DUSP16: variants seen among roughly 807,000 people sequenced by gnomAD.
DUSP16 encodes dual specificity phosphatase 16, also known as dual specificity protein phosphatase 16.
In DUSP16, 21 loss-of-function variants were observed where a neutral mutation model predicts 58.3. The observed-to-expected ratio is 0.36, with a 90% CI of 0.26 to 0.52. The LOEUF (loss-of-function observed/expected upper bound fraction) is 0.52. Ranked by LOEUF, DUSP16 falls within the 20% of genes least tolerant of loss-of-function variation. The pLI, the probability that DUSP16 is intolerant of heterozygous loss-of-function variation, is 0.94. For missense variants in DUSP16, 726 were observed against 819.0 expected, an observed-to-expected ratio of 0.89 and a Z score of 1.39; for synonymous variants, 320 against 323.8, an observed-to-expected ratio of 0.99 and a Z score of 0.12.
chr12:12,543,369 G>C (rs1482475997), intron 1 of DUSP16, among the ~76,000 whole-genome samples: 5 of 152,092 alleles, frequency 3.3e-5, no homozygotes, highest in Admixed American at 6.5e-5. Flanking sequence ...TATGAAGAGA[G>C]AGCAAGTAAT....
chr12:12,493,566 G>C (rs535236314), intron 4 of DUSP16, among the ~76,000 whole-genome samples: 62 of 152,210 alleles, frequency 4.1e-4, no homozygotes, highest in African/African-American at 1.4e-3. Context: ...CAGAAATCTT[G>C]TATTGTCTGG....
rs539182716 is a variant in DUSP16, at chr12:12,503,286, C to T, written c.368-2604G>A. ...TGTCGCCCAGGCTAGAGTGCAGTGGCGCGATCTTGGCTCACTGCAACCTCC... is the reference window on the plus strand; with the variant it reads ...TGTCGCCCAGGCTAGAGTGCAGTGGTGCGATCTTGGCTCACTGCAACCTCC... On this transcript the variant is annotated intron_variant, in intron 3 of 6. Coordinates refer to ENST00000298573, the MANE Select transcript of DUSP16 (RefSeq NM_030640.3). Among the ~76,000 whole-genome samples the T allele has an allele frequency of 5.0e-5, 7 of 139,966 alleles. No homozygotes were observed. The East Asian group carries it at 1.3e-3, about 26-fold the overall frequency. 91.8% of individuals were successfully genotyped at this position (139,966 alleles called of 152,430 possible). A position where few individuals can be genotyped will look rare whatever the true frequency, so the allele number is the denominator to read the frequency against.
At chr12:12,501,044 A>G (rs971936200) in intron 3 of DUSP16, among the ~76,000 whole-genome samples, 8 of 152,340 alleles carry the variant, frequency 5.3e-5, no homozygotes, top group African/African-American at 1.9e-4. Flanking sequence ...CAAGCCAATA[A>G]TTCACAGAAG....
intron 5 of DUSP16, among the ~76,000 whole-genome samples, chr12:12,483,068 C>T (rs528086195): frequency 6.6e-6 from 1 of 152,108 alleles, no homozygotes; most frequent in African/African-American, 2.4e-5. Flanking sequence ...GAATAAAGAA[C>T]GAGAAGGCAA....
chr12:12,496,110 C>T (rs1943824206), intron 4 of DUSP16, among the ~76,000 whole-genome samples: 1 of 152,194 alleles, frequency 6.6e-6, no homozygotes, highest in Non-Finnish European at 1.5e-5. Context: ...AACCATCATG[C>T]CGTGCTGCTT....
chr12:12,502,172 G>A (rs1477421276), intron 3 of DUSP16, among the ~76,000 whole-genome samples: 1 of 152,100 alleles, frequency 6.6e-6, no homozygotes, highest in African/African-American at 2.4e-5. Flanking sequence ...ATATGCCCTT[G>A]AAAACTGCTA....
intron 3 of DUSP16, among the ~76,000 whole-genome samples, chr12:12,514,251 A>G (rs1057292342): frequency 6.6e-6 from 1 of 152,196 alleles, no homozygotes; most frequent in Non-Finnish European, 1.5e-5. Flanking sequence ...AACACAGGCT[A>G]CAGCTTTGAC....
chr12:12,509,428 C>A lies in DUSP16; in HGVS notation c.368-8746G>T, dbSNP rs567754161. On this transcript the variant is annotated intron_variant, in intron 3 of 6. Coordinates refer to ENST00000298573, the MANE Select transcript of DUSP16 (RefSeq NM_030640.3). ...AACCCTCTGAACACCTACACATACTCACCACTAAGACAAAAGTTTCATGAT... is the reference window on the plus strand; with the variant it reads ...AACCCTCTGAACACCTACACATACTAACCACTAAGACAAAAGTTTCATGAT... 6.6e-5 allele frequency among the ~76,000 whole-genome samples: 10 copies of A among 152,136 alleles called. No individual in the cohort carries two copies. The South Asian group carries it at 2.1e-3, about 32-fold the overall frequency.
intron 2 of DUSP16, 67 bp from the exon 3 acceptor site, chr12:12,520,067 A>G: frequency 6.4e-7 from 1 of 1,550,552 alleles, no homozygotes; most frequent in Non-Finnish European, 8.9e-7. Context: ...ACTGCTTAAG[A>G]TCTCACATTT....
Position 12,477,747 on chromosome 12 carries a change from TGGGC to T in DUSP16, c.1080_1083del (p.Pro361AlafsTer10), listed in dbSNP as rs200271649. Reference sequence around the variant, plus strand: ...AGCGACGGCTGCACGCTGGGCACGCTGGGCACGCTGGCGGGATGCACGGGCCTTT... The same window carrying T: ...AGCGACGGCTGCACGCTGGGCACGCTACGCTGGCGGGATGCACGGGCCTTT... On this transcript the variant is annotated frameshift_variant, in exon 7 of 7. Coordinates refer to ENST00000298573, the MANE Select transcript of DUSP16 (RefSeq NM_030640.3). LOFTEE classifies it high-confidence loss of function. The surrounding 1 kb of genome is among the most constrained non-coding windows in gnomAD (Gnocchi z 4.1). 37,865 of 1,613,570 alleles carry T rather than the reference TGGGC, an allele frequency of 0.023. 2,919 individuals carry two copies. The East Asian group carries it at 0.25, about 10-fold the overall frequency.
At position 12,521,183 on chromosome 12, in the gene DUSP16, C is replaced by T. The variant is rs1479382615; in HGVS notation, c.-85G>A. The T allele has an allele frequency of 6.5e-7, 1 of 1,542,610 alleles. No individual in the cohort carries two copies. The highest frequency in any genetic ancestry group is 1.4e-5 in the African/African-American group (1 of 73,072). ...TGGTGTGCTCAAAGGCTCAGCCACT[C>T]CATTGTACTAAAAGTGTATGAGGTC... On this transcript the variant is annotated 5_prime_UTR_variant, in exon 2 of 7. Transcript: ENST00000298573.
intron 1 of DUSP16, among the ~76,000 whole-genome samples, chr12:12,535,535 G>A (rs920993183): frequency 6.6e-6 from 1 of 152,086 alleles, no homozygotes; most frequent in African/African-American, 2.4e-5. Context: ...ACCTGCAGCA[G>A]CAACAAACAC....
chr12:12,523,889 G>C lies in DUSP16; in HGVS notation c.-365-2426C>G, dbSNP rs372127362. Among the ~76,000 whole-genome samples, 39 of 152,280 alleles carry C rather than the reference G, an allele frequency of 2.6e-4. No homozygotes were observed. In the East Asian group the frequency reaches 5.4e-3, roughly 21 times the overall value. On this transcript the variant is annotated intron_variant, in intron 1 of 6. Coordinates refer to ENST00000298573, the MANE Select transcript of DUSP16 (RefSeq NM_030640.3). Reference sequence around the variant, plus strand: ...GGAAAGAATGATGCCAATTGTCCATGAGGGTACCCAGGTGGCACAGAAAGT... The same window carrying C: ...GGAAAGAATGATGCCAATTGTCCATCAGGGTACCCAGGTGGCACAGAAAGT...
intron 1 of DUSP16, among the ~76,000 whole-genome samples, chr12:12,559,922 G>A (rs1566068127): frequency 6.6e-6 from 1 of 151,992 alleles, no homozygotes; most frequent in Non-Finnish European, 1.5e-5. Context: ...AAACGTGTAG[G>A]AAAAAGGAAA....
chr12:12,504,390 T>C (rs1046428978), intron 3 of DUSP16, among the ~76,000 whole-genome samples: 5 of 151,882 alleles, frequency 3.3e-5, no homozygotes, highest in Admixed American at 1.3e-4. Flanking sequence ...GCTTCCCGAG[T>C]AGCCAGGGCT....
intron 1 of DUSP16, among the ~76,000 whole-genome samples, chr12:12,529,910 A>G (rs1276970069): frequency 6.6e-6 from 1 of 152,210 alleles, no homozygotes; most frequent in Non-Finnish European, 1.5e-5. Flanking sequence ...GTACATATAT[A>G]CCACGTTTTC....
intron 1 of DUSP16, among the ~76,000 whole-genome samples, chr12:12,561,726 A>G (rs1406841467): frequency 6.6e-6 from 1 of 152,058 alleles, no homozygotes; most frequent in Non-Finnish European, 1.5e-5. Context: ...CGCGCCTGGA[A>G]GTGAGCAGCT....
chr12:12,556,292 T>C (rs1359405794), intron 1 of DUSP16, among the ~76,000 whole-genome samples: 1 of 152,192 alleles, frequency 6.6e-6, no homozygotes. Context: ...TCACAGTGGC[T>C]TGTGCCTGTA....
At chr12:12,525,060 T>C (rs749583964) in intron 1 of DUSP16, among the ~76,000 whole-genome samples, 26 of 152,194 alleles carry the variant, frequency 1.7e-4, no homozygotes, top group African/African-American at 5.5e-4. Context: ...TTTTTTAAAT[T>C]AATATAGAAT....
Sources: gnomAD v4.1 joint callset for allele counts (sites outside exome capture counted in the v4.1 genomes callset) on GRCh38, gnomAD v4.1.1 for gene constraint, Gnocchi (gnomAD v3.1) non-coding constraint, MANE v1.5 for transcripts, NCBI Gene and HGNC (gene_info 2026-07-23, HGNC 2026-07-21) for gene names.